The following DNM3 variants were observed in gnomAD, a reference collection of about 807,000 sequenced individuals.
DNM3 encodes dynamin 3.
DNM3 carries 47 observed loss-of-function variants against 101.6 expected under a neutral mutation model. That is an observed-to-expected ratio of 0.46 (90% CI 0.37 to 0.59). The LOEUF (loss-of-function observed/expected upper bound fraction) is 0.59, where lower values mean the gene tolerates loss of function less well. Among genes scored for constraint, DNM3 ranks in the 20% least tolerant of loss-of-function variants. The pLI is 0.00. For synonymous variants in DNM3, 385 were observed against 387.9 expected (o/e 0.99, Z 0.09); for missense variants, 849 against 1,085.7 (o/e 0.78, Z 3.06).
Position 171,841,521 on chromosome 1 carries a change from C to A in DNM3, c.-136C>A, listed in dbSNP as rs1258849516. The A allele has an allele frequency of 8.1e-7, 1 of 1,239,760 alleles. No individual in the cohort carries two copies. Among genetic ancestry groups the A allele is most frequent in the Non-Finnish European group, 1.1e-6 (1 of 936,570 alleles). 76.8% of individuals were successfully genotyped at this position (1,239,760 alleles called of 1,614,324 possible). On this transcript the variant is annotated 5_prime_UTR_variant, in exon 1 of 21. Coordinates refer to ENST00000627582, the MANE Select transcript of DNM3 (RefSeq NM_015569.5). Reference sequence around the variant, plus strand: ...TCAGAGCCAAGCGGCGGGCTGGCGGCGGGCTCCGACGTCTGCGCCAGGACC... The same window carrying A: ...TCAGAGCCAAGCGGCGGGCTGGCGGAGGGCTCCGACGTCTGCGCCAGGACC...
intron 14 of DNM3, among the ~76,000 whole-genome samples, chr1:172,197,498 C>A (rs1021665390): frequency 2.0e-5 from 3 of 152,128 alleles, no homozygotes; most frequent in Middle Eastern, 3.4e-3. Context: ...TTGCTTTGGG[C>A]AGTATAACCA....
At chr1:172,018,824 G>C (rs566586186) in intron 4 of DNM3, among the ~76,000 whole-genome samples, 1 of 151,720 alleles carries the variant, frequency 6.6e-6, no homozygotes, top group South Asian at 2.1e-4. Context: ...ATGTAGATCT[G>C]AGTTTCTGAC....
At chr1:172,055,401 A>G (rs2050524702) in intron 10 of DNM3, among the ~76,000 whole-genome samples, 1 of 152,014 alleles carries the variant, frequency 6.6e-6, no homozygotes, top group Non-Finnish European at 1.5e-5. Flanking sequence ...TTTCAGTTGC[A>G]TAGCCTTCCC....
intron 14 of DNM3, among the ~76,000 whole-genome samples, chr1:172,187,595 A>G (rs1464092357): frequency 6.6e-6 from 1 of 151,916 alleles, no homozygotes; most frequent in Non-Finnish European, 1.5e-5. Flanking sequence ...TAGTAGCCTT[A>G]TTTTTGTTTT....
chr1:171,954,826 G>A (rs1340532120), intron 2 of DNM3, among the ~76,000 whole-genome samples: 1 of 152,146 alleles, frequency 6.6e-6, no homozygotes, highest in Non-Finnish European at 1.5e-5. Context: ...GGAAACTGGG[G>A]CAACATTGTG....
intron 15 of DNM3, among the ~76,000 whole-genome samples, chr1:172,304,295 A>G (rs543108185): frequency 5.0e-4 from 76 of 151,310 alleles, no homozygotes; most frequent in African/African-American, 1.7e-3. Flanking sequence ...AAAGAAGGCC[A>G]TTACATAATG....
rs536046426 is a variant in DNM3 at position 172,075,975 on chromosome 1, C to T, written c.1423-5857C>T. On this transcript the variant is annotated intron_variant, in intron 11 of 20. Coordinates refer to ENST00000627582, the MANE Select transcript of DNM3 (RefSeq NM_015569.5). The stretch of plus-strand genomic sequence containing the variant: ...GGATGTTTTTTCCAATTGTTTGTGT[C>T]CTCTTTGATTTCCTTGAGCAGTGGT... 3.3e-5 allele frequency among the ~76,000 whole-genome samples: 5 copies of T among 152,180 alleles called. No individual in the cohort carries two copies. In the South Asian group the frequency reaches 8.3e-4, roughly 25 times the overall value.
intron 10 of DNM3, among the ~76,000 whole-genome samples, chr1:172,057,448 G>C (rs1446409440): frequency 6.6e-6 from 1 of 152,160 alleles, no homozygotes; most frequent in African/African-American, 2.4e-5. Context: ...CAGAGAGAAA[G>C]GTCGAGTTAC....
At chr1:171,963,612 G>A (rs2043361673) in intron 2 of DNM3, among the ~76,000 whole-genome samples, 1 of 152,062 alleles carries the variant, frequency 6.6e-6, no homozygotes, top group Non-Finnish European at 1.5e-5. Context: ...GCATATGCAG[G>A]GGCAGGAGGT....
chr1:172,349,017 A>C (rs1233083037), intron 17 of DNM3, among the ~76,000 whole-genome samples: 2 of 152,156 alleles, frequency 1.3e-5, no homozygotes, highest in East Asian at 3.8e-4. Context: ...TAAACAGAGC[A>C]CCTTCTCTGG....
intron 13 of DNM3, among the ~76,000 whole-genome samples, chr1:172,119,559 C>T (rs544060079): frequency 4.6e-5 from 7 of 152,188 alleles, no homozygotes; most frequent in Non-Finnish European, 8.8e-5. Context: ...CTTTCCTCAG[C>T]GCTCAGTCCT....
chr1:172,081,667 C>A (rs931123992), intron 11 of DNM3, among the ~76,000 whole-genome samples, 165 bp from the exon 12 acceptor site: 1 of 152,048 alleles, frequency 6.6e-6, no homozygotes. Context: ...ATTTAGAGTG[C>A]AAAATTATGA....
intron 13 of DNM3, among the ~76,000 whole-genome samples, chr1:172,112,227 C>T (rs1293600191): frequency 6.6e-6 from 1 of 152,134 alleles, no homozygotes; most frequent in East Asian, 1.9e-4. Context: ...CATTATTTTC[C>T]TTAATCTTCA....
Position 172,412,716 on chromosome 1 carries a change from G to C in DNM3, c.*4875G>C, listed in dbSNP as rs930311294. The C allele has an allele frequency of 1.0e-6, 1 of 985,540 alleles. No individual in the cohort carries two copies. Among genetic ancestry groups the C allele is most frequent in the Non-Finnish European group, 1.2e-6 (1 of 829,838 alleles). The allele number at this position is 985,540 out of a possible 1,614,324, so 61.0% of individuals were successfully genotyped here. ...CTGAAATAAATTATAACATTTGAAG[G>C]ACCCCTTTTCCTCATTCTTGTATAT... is the stretch of plus-strand genomic sequence containing the variant. On this transcript the variant is annotated 3_prime_UTR_variant, in exon 21 of 21. Transcript: ENST00000627582.
intron 11 of DNM3, among the ~76,000 whole-genome samples, chr1:172,074,780 G>A (rs79314105): frequency 3.3e-5 from 5 of 152,196 alleles, no homozygotes; most frequent in Non-Finnish European, 7.3e-5. Context: ...AAACATGCGT[G>A]TACATGTGTC....
At chr1:172,078,301 C>T (rs1176337156) in intron 11 of DNM3, among the ~76,000 whole-genome samples, 1 of 152,116 alleles carries the variant, frequency 6.6e-6, no homozygotes, top group East Asian at 1.9e-4. Flanking sequence ...ATCATATTAG[C>T]CAGGATGTTC....
intron 14 of DNM3, among the ~76,000 whole-genome samples, chr1:172,152,320 A>G (rs1439500195): frequency 1.3e-5 from 2 of 150,710 alleles, no homozygotes; most frequent in Non-Finnish European, 3.0e-5. Context: ...CTACAATTCA[A>G]TTGGTTAATT....
At chr1:172,395,061 A>G (rs757697562) in intron 20 of DNM3, among the ~76,000 whole-genome samples, 1 of 152,192 alleles carries the variant, frequency 6.6e-6, no homozygotes. Context: ...TCAACGATTC[A>G]TGGCATGACA....
chr1:172,184,900 T>A (rs2059469726), intron 14 of DNM3, among the ~76,000 whole-genome samples: 1 of 152,144 alleles, frequency 6.6e-6, no homozygotes, highest in Non-Finnish European at 1.5e-5. Flanking sequence ...CCATGTTCTT[T>A]CTTTTGCACA....
Sources: gnomAD v4.1 joint callset for allele counts (sites outside exome capture counted in the v4.1 genomes callset) on GRCh38, gnomAD v4.1.1 for gene constraint, MANE v1.5 for transcripts, NCBI Gene and HGNC (gene_info 2026-07-23, HGNC 2026-07-21) for gene names.